MYT1L: variants seen among roughly 807,000 people sequenced by gnomAD.
MYT1L encodes the protein myelin transcription factor 1-like protein.
MYT1L carries 12 observed loss-of-function variants against 126.7 expected under a neutral mutation model. The ratio of observed to expected loss-of-function variants is 0.09; its 90% confidence interval spans 0.06 to 0.15. The LOEUF (loss-of-function observed/expected upper bound fraction) is 0.15, where lower values mean the gene tolerates loss of function less well. MYT1L is among the 10% of genes least tolerant of loss of function. The probability of loss-of-function intolerance (pLI) is 1.00; values close to 1 mark genes in which losing one functional copy is unlikely to be tolerated. For missense variants in MYT1L, 979 were observed against 1,585.2 expected (o/e 0.62, Z 6.49); for synonymous variants, 541 against 604.2 (o/e 0.90, Z 1.53).
chr2:2,184,193 C>A (rs2091880641), intron 2 of MYT1L, among the ~76,000 whole-genome samples: 1 of 151,996 alleles, frequency 6.6e-6, no homozygotes, highest in Admixed American at 6.6e-5. Context: ...CTGATATCTA[C>A]CTAGAAGGAA....
intron 2 of MYT1L, among the ~76,000 whole-genome samples, chr2:2,183,589 T>C (rs1031905611): frequency 6.6e-6 from 1 of 152,126 alleles, no homozygotes; most frequent in Non-Finnish European, 1.5e-5. Flanking sequence ...AGGTTCTCAG[T>C]GTGATGAGGT....
chr2:2,272,196 C>T (rs1388897317), intron 2 of MYT1L, among the ~76,000 whole-genome samples: 2 of 152,070 alleles, frequency 1.3e-5, no homozygotes, highest in African/African-American at 4.8e-5. Context: ...TCTCTTCCCT[C>T]CTGCCCTGCC....
chr2:2,050,129 A>G (rs996445425), intron 4 of MYT1L, among the ~76,000 whole-genome samples: 1 of 152,142 alleles, frequency 6.6e-6, no homozygotes, highest in Non-Finnish European at 1.5e-5. Flanking sequence ...TAGGTTCATG[A>G]TATCCATCTC....
At chr2:2,287,935 A>C (rs1477536452) in intron 1 of MYT1L, among the ~76,000 whole-genome samples, 1 of 152,222 alleles carries the variant, frequency 6.6e-6, no homozygotes, top group African/African-American at 2.4e-5. Flanking sequence ...ATAGCTAAAC[A>C]CAAGGCCTTA....
chr2:2,171,093 A>C (rs1335536713), intron 3 of MYT1L, among the ~76,000 whole-genome samples: 1 of 152,158 alleles, frequency 6.6e-6, no homozygotes, highest in Non-Finnish European at 1.5e-5. Flanking sequence ...CGGACACTCC[A>C]CTGAGGATGG....
intron 1 of MYT1L, among the ~76,000 whole-genome samples, chr2:2,309,900 C>G (rs11898438): frequency 6.6e-6 from 1 of 151,826 alleles, no homozygotes; most frequent in Non-Finnish European, 1.5e-5. Flanking sequence ...TACCCATACT[C>G]CACTTACACT....
chr2:1,947,564 G>T (rs72767313), intron 8 of MYT1L, among the ~76,000 whole-genome samples: 4,916 of 152,264 alleles, frequency 0.032, 106 homozygotes, highest in Non-Finnish European at 0.052. Context: ...CTGCTCACAT[G>T]TCCTCTGAAC....
chr2:2,240,848 A>G (rs1285383248), intron 2 of MYT1L, among the ~76,000 whole-genome samples: 2 of 152,144 alleles, frequency 1.3e-5, no homozygotes, highest in South Asian at 2.1e-4. Flanking sequence ...ATGGAGTTGG[A>G]AAAAGGGTTC....
intron 18 of MYT1L, among the ~76,000 whole-genome samples, chr2:1,855,887 T>C (rs2043851312): frequency 6.6e-6 from 1 of 151,902 alleles, no homozygotes; most frequent in African/African-American, 2.4e-5. Context: ...GGAAGAAGAA[T>C]TGAAGAAAAA....
intron 3 of MYT1L, among the ~76,000 whole-genome samples, chr2:2,140,096 C>T (rs1039601723): frequency 2.0e-5 from 3 of 152,144 alleles, no homozygotes; most frequent in African/African-American, 7.2e-5. Flanking sequence ...TCTGCCATAA[C>T]ACATGTATAT....
chr2:1,864,255 C>G (rs1330871127), intron 18 of MYT1L, among the ~76,000 whole-genome samples: 2 of 152,132 alleles, frequency 1.3e-5, no homozygotes, highest in Non-Finnish European at 2.9e-5. Context: ...CTCCCCAACA[C>G]GCAGAAAGAA....
At chr2:2,187,926 A>G (rs1395488672) in intron 2 of MYT1L, among the ~76,000 whole-genome samples, 2 of 152,192 alleles carry the variant, frequency 1.3e-5, no homozygotes, top group East Asian at 1.9e-4. Flanking sequence ...TATATATAAT[A>G]AACATGTATG....
At chr2:2,001,445 C>A (rs1473313703) in intron 4 of MYT1L, among the ~76,000 whole-genome samples, 1 of 152,068 alleles carries the variant, frequency 6.6e-6, no homozygotes, top group Non-Finnish European at 1.5e-5. Context: ...TCATGTCGCA[C>A]CACTGTGTGG....
intron 2 of MYT1L, among the ~76,000 whole-genome samples, chr2:2,281,772 G>A (rs958812717): frequency 5.9e-5 from 9 of 152,138 alleles, no homozygotes; most frequent in Non-Finnish European, 1.2e-4. Context: ...TCTCTCCAGA[G>A]GCTGAAAGTA....
chr2:1,819,620 CG>C lies in MYT1L; in HGVS notation c.3081-10454del, dbSNP rs140081823. Among the ~76,000 whole-genome samples, 1,271 of 152,328 alleles carry C rather than the reference CG, an allele frequency of 8.3e-3. 16 individuals carry two copies. Among genetic ancestry groups the C allele is most frequent in the African/African-American group, 0.029 (1,212 of 41,572 alleles). ...ACACTCGGGCCCTGCCAGTGCAGTT[CG>C]GGCAGAGGCCCCTGTGAATACACAT... On this transcript the variant is annotated intron_variant, in intron 21 of 24. Transcript: ENST00000647738.
At chr2:2,080,010 T>C (rs2075648784) in intron 3 of MYT1L, among the ~76,000 whole-genome samples, 1 of 152,136 alleles carries the variant, frequency 6.6e-6, no homozygotes, top group Admixed American at 6.5e-5. Context: ...AATCTAAAAA[T>C]AAACCATCTC....
intron 2 of MYT1L, among the ~76,000 whole-genome samples, chr2:2,275,273 A>C (rs1475257683): frequency 2.0e-5 from 3 of 150,530 alleles, no homozygotes; most frequent in Non-Finnish European, 4.4e-5. Context: ...GTCATGTGAA[A>C]ACAAACTGCA....
chr2:2,286,335 C>T (rs2095520606), intron 1 of MYT1L, among the ~76,000 whole-genome samples: 1 of 152,138 alleles, frequency 6.6e-6, no homozygotes, highest in South Asian at 2.1e-4. Flanking sequence ...TGCTTTGGCT[C>T]ACACACAGAA....
At chr2:1,938,556 G>A (rs1216011219) in intron 9 of MYT1L, among the ~76,000 whole-genome samples, 1 of 152,132 alleles carries the variant, frequency 6.6e-6, no homozygotes, top group African/African-American at 2.4e-5. Context: ...AGTTTCTCAG[G>A]TATTATCCCC....
Sources: gnomAD v4.1 joint callset for allele counts (sites outside exome capture counted in the v4.1 genomes callset) on GRCh38, gnomAD v4.1.1 for gene constraint, MANE v1.5 for transcripts, NCBI Gene and HGNC (gene_info 2026-07-23, HGNC 2026-07-21) for gene names.